The following CHKA variants were observed in gnomAD, a reference collection of about 807,000 sequenced individuals.
The protein encoded by CHKA is choline kinase alpha.
In CHKA, 34 loss-of-function variants were observed where a neutral mutation model predicts 60.1. The ratio of observed to expected loss-of-function variants is 0.57; its 90% CI spans 0.43 to 0.75. The LOEUF is 0.75. CHKA is among the 30% of genes least tolerant of loss of function. The pLI is 0.00. For synonymous variants in CHKA, 217 were observed against 223.1 expected (o/e 0.97, Z 0.24); for missense variants, 563 against 561.3 (o/e 1.00, Z -0.03).
At chr11:68,080,377 G>T (rs994030967) in intron 3 of CHKA, among the ~76,000 whole-genome samples, 2 of 151,358 alleles carry the variant, frequency 1.3e-5, no homozygotes, top group South Asian at 4.2e-4. Flanking sequence ...TGGTGGGGAC[G>T]ACTCCTGTCG....
chr11:68,061,846 A>C (rs1201065838), intron 11 of CHKA, 107 bp downstream of exon 11: 1 of 818,276 alleles, frequency 1.2e-6, no homozygotes, highest in Non-Finnish European at 2.0e-6. Context: ...GGAGACAGAG[A>C]ACCCTCTGTA....
At chr11:68,107,796 GCATGGTCAGAAGTACTCCCTCC>G (rs1369220614) in intron 1 of CHKA, among the ~76,000 whole-genome samples, 28 of 152,224 alleles carry the variant, frequency 1.8e-4, no homozygotes, top group African/African-American at 6.7e-4. Flanking sequence ...CTTCCACCAG[GCATGGTCAGAAGTACTCCCTCC>G]CACTTTCTCA....
chr11:68,059,114 C>T (rs1224626820), intron 11 of CHKA, among the ~76,000 whole-genome samples: 2 of 152,194 alleles, frequency 1.3e-5, no homozygotes, highest in Non-Finnish European at 2.9e-5. Context: ...AGGCTGGTCT[C>T]GAACTCCCGA....
chr11:68,069,009 T>C, intron 6 of CHKA, 72 bp from the exon 7 acceptor site: 3 of 1,169,934 alleles, frequency 2.6e-6, no homozygotes, highest in South Asian at 1.3e-5. Context: ...TTTCTCCACA[T>C]GGCCAGCACC....
chr11:68,057,954 T>C (rs529601197), intron 11 of CHKA, among the ~76,000 whole-genome samples: 8 of 152,270 alleles, frequency 5.3e-5, no homozygotes, highest in African/African-American at 1.9e-4. Context: ...TGGAGTGCAG[T>C]GGTGTGATCA....
intron 2 of CHKA, among the ~76,000 whole-genome samples, 192 bp downstream of exon 2, chr11:68,096,826 TA>T (rs945219618): frequency 6.6e-6 from 1 of 151,878 alleles, no homozygotes; most frequent in African/African-American, 2.4e-5. Context: ...AAATAATAAC[TA>T]AAAAAAACAC....
chr11:68,113,905 C>T (rs571544266), intron 1 of CHKA, among the ~76,000 whole-genome samples: 39 of 151,628 alleles, frequency 2.6e-4, no homozygotes, highest in Admixed American at 2.0e-4. Flanking sequence ...ACAGGAGAAT[C>T]GCTTGAACCC....
intron 1 of CHKA, among the ~76,000 whole-genome samples, chr11:68,110,364 G>GA (rs965162830): frequency 6.6e-6 from 1 of 151,788 alleles, no homozygotes; most frequent in Admixed American, 6.6e-5. Flanking sequence ...AGAAAGAAGT[G>GA]AAAAAAAATT....
chr11:68,070,285 T>C lies in CHKA; in HGVS notation c.773A>G (p.Lys258Arg). The C allele has an allele frequency of 6.2e-7, 1 of 1,605,238 alleles. No individual in the cohort carries two copies. The highest frequency in any genetic ancestry group is 1.7e-4 in the Middle Eastern group (1 of 6,036). The stretch of plus-strand genomic sequence containing the variant: ...AGTAAATTTAATTCTCAGCACTTCC[T>C]TTAGATACCTATTAAAAAATTTTCA... Reference protein sequence around the residue: ...WLFGTMEKYLKEVLRIKFTEE... With the variant: ...WLFGTMEKYLREVLRIKFTEE... The change falls in exon 6 of 12, where the codon AAG becomes AGG. Residue 258 changes from lysine (K) to arginine (R), a missense_variant. Coordinates refer to ENST00000265689, the MANE Select transcript of CHKA (RefSeq NM_001277.3).
At chr11:68,087,947 T>C (rs1857233384) in intron 2 of CHKA, among the ~76,000 whole-genome samples, 1 of 151,904 alleles carries the variant, frequency 6.6e-6, no homozygotes, top group Non-Finnish European at 1.5e-5. Context: ...ACCCTGTCTC[T>C]ACTTAAAATA....
intron 3 of CHKA, among the ~76,000 whole-genome samples, chr11:68,079,522 G>A (rs1300020321): frequency 4.0e-5 from 6 of 151,778 alleles, no homozygotes; most frequent in African/African-American, 9.7e-5. Context: ...TAGTAGAGAC[G>A]GGGTTTCACC....
At chr11:68,070,405 CCAGT>C (rs1398072017) in intron 5 of CHKA, 112 bp from the exon 6 acceptor site, 22 of 808,004 alleles carry the variant, frequency 2.7e-5, no homozygotes, top group Non-Finnish European at 4.3e-5. Flanking sequence ...AGTCACAATG[CCAGT>C]GGGACCCCTC....
intron 1 of CHKA, among the ~76,000 whole-genome samples, chr11:68,100,049 G>GT (rs1251255944): frequency 3.9e-5 from 6 of 152,100 alleles, no homozygotes; most frequent in African/African-American, 1.4e-4. Flanking sequence ...AACCCAAACT[G>GT]TGAGAAATTT....
At chr11:68,098,947 A>C (rs1463336717) in intron 1 of CHKA, among the ~76,000 whole-genome samples, 1 of 152,172 alleles carries the variant, frequency 6.6e-6, no homozygotes. Flanking sequence ...GGCCTCCCAA[A>C]GTGCTAGAAT....
intron 1 of CHKA, among the ~76,000 whole-genome samples, chr11:68,100,717 G>A (rs937625832): frequency 2.7e-5 from 4 of 150,032 alleles, no homozygotes; most frequent in Non-Finnish European, 4.4e-5. Context: ...TATATGAGAG[G>A]CACAAGATAC....
intron 2 of CHKA, among the ~76,000 whole-genome samples, chr11:68,096,131 C>T (rs1267617157): frequency 1.3e-5 from 2 of 150,772 alleles, no homozygotes; most frequent in African/African-American, 2.4e-5. Context: ...TGGGGGACCA[C>T]GGCGGGTGGA....
intron 11 of CHKA, among the ~76,000 whole-genome samples, chr11:68,057,643 G>T (rs1186376949): frequency 6.6e-6 from 1 of 152,114 alleles, no homozygotes; most frequent in Non-Finnish European, 1.5e-5. Context: ...TTTCTCTTGT[G>T]TTTTCTCATA....
At chr11:68,067,590 C>CA (rs558365667) in intron 7 of CHKA, among the ~76,000 whole-genome samples, 5 of 151,664 alleles carry the variant, frequency 3.3e-5, no homozygotes, top group East Asian at 1.9e-4. Context: ...GTAACAGTCT[C>CA]AAAAAAAAGG....
At chr11:68,070,560 C>T (rs981499212) in intron 5 of CHKA, among the ~76,000 whole-genome samples, 164 bp downstream of exon 5, 1 of 152,172 alleles carries the variant, frequency 6.6e-6, no homozygotes, top group Non-Finnish European at 1.5e-5. Context: ...GACTTTTACA[C>T]ACAAGAAAGA....
Sources: allele counts gnomAD v4.1 joint callset (sites outside exome capture counted in the v4.1 genomes callset), GRCh38; gene constraint gnomAD v4.1.1; transcripts MANE v1.5; gene names NCBI Gene and HGNC (gene_info 2026-07-23, HGNC 2026-07-21).